XPR1: variants seen among roughly 807,000 people sequenced by gnomAD.
XPR1 encodes the protein xenotropic and polytropic retrovirus receptor 1.
XPR1 carries 28 observed loss-of-function variants against 87.5 expected under a neutral mutation model. The ratio of observed to expected loss-of-function variants is 0.32; its 90% CI spans 0.24 to 0.44. XPR1 has a LOEUF of 0.44. XPR1 is among the 20% of genes least tolerant of loss of function. The pLI, the probability that XPR1 is intolerant of heterozygous loss-of-function variation, is 1.00. For synonymous variants in XPR1, 300 were observed against 306.1 expected, an observed-to-expected ratio of 0.98 and a Z score of 0.21; for missense variants, 559 against 862.3, an observed-to-expected ratio of 0.65 and a Z score of 4.41.
chr1:180,697,022 T>A (rs574999202), intron 2 of XPR1, among the ~76,000 whole-genome samples: 1 of 152,292 alleles, frequency 6.6e-6, no homozygotes, highest in East Asian at 1.9e-4. Context: ...AGTTTTCTCC[T>A]CTCCAGTTTT....
chr1:180,800,637 G>T (rs1649745462), intron 3 of XPR1, among the ~76,000 whole-genome samples: 2 of 152,190 alleles, frequency 1.3e-5, no homozygotes, highest in South Asian at 2.1e-4. Context: ...GGCACTATGT[G>T]TGTGGTAATT....
At chr1:180,690,872 T>C (rs1305293539) in intron 2 of XPR1, among the ~76,000 whole-genome samples, 1 of 151,746 alleles carries the variant, frequency 6.6e-6, no homozygotes, top group Non-Finnish European at 1.5e-5. Context: ...GCCAATGTAC[T>C]GTTTATAAAA....
Position 180,799,081 on chromosome 1 carries a change from C to G in XPR1, c.224-4307C>G, listed in dbSNP as rs565300953. Among the ~76,000 whole-genome samples the G allele has an allele frequency of 2.3e-3, 345 of 152,298 alleles. 2 individuals carry two copies. The highest frequency in any genetic ancestry group is 3.1e-3 in the Non-Finnish European group (212 of 68,018). On this transcript the variant is annotated intron_variant, in intron 3 of 14. Transcript: ENST00000367590. ...TTTACTTTTAGCCAGTAAACCCCTT[C>G]TTTGCCATTGTTTCATTAGTACAAA...
chr1:180,845,672 T>A (rs891560327), intron 11 of XPR1, among the ~76,000 whole-genome samples: 1 of 152,190 alleles, frequency 6.6e-6, no homozygotes, highest in African/African-American at 2.4e-5. Flanking sequence ...AGGGTCGTGC[T>A]ACCATGCCCA....
chr1:180,717,386 G>A (rs1658032112), intron 2 of XPR1, among the ~76,000 whole-genome samples: 1 of 152,152 alleles, frequency 6.6e-6, no homozygotes, highest in Admixed American at 6.5e-5. Context: ...CTGTCATGCT[G>A]TTCTTGTGGA....
chr1:180,771,843 G>A (rs1648528377), intron 2 of XPR1, among the ~76,000 whole-genome samples: 1 of 152,090 alleles, frequency 6.6e-6, no homozygotes, highest in South Asian at 2.1e-4. Context: ...TATTAACCTT[G>A]ATTACTTGTT....
intron 2 of XPR1, among the ~76,000 whole-genome samples, chr1:180,713,835 T>C (rs558026944): frequency 2.6e-5 from 4 of 152,320 alleles, no homozygotes; most frequent in South Asian, 2.1e-4. Context: ...AGAAGTCTTA[T>C]AATGTCTTTG....
intron 1 of XPR1, among the ~76,000 whole-genome samples, chr1:180,656,328 TATATATA>T (rs1183028633): frequency 1.4e-4 from 16 of 117,982 alleles, no homozygotes; most frequent in African/African-American, 4.4e-4. Context: ...ATAATATTTA[TATATATA>T]ATATTTATAT....
chr1:180,670,848 T>C (rs1656145675), intron 1 of XPR1, among the ~76,000 whole-genome samples: 1 of 152,216 alleles, frequency 6.6e-6, no homozygotes, highest in Non-Finnish European at 1.5e-5. Context: ...TCCCTCAATT[T>C]TGAAGGACGT....
intron 1 of XPR1, among the ~76,000 whole-genome samples, chr1:180,666,525 A>G (rs1327562645): frequency 1.3e-5 from 2 of 152,040 alleles, no homozygotes; most frequent in African/African-American, 2.4e-5. Flanking sequence ...ATTACTAAGT[A>G]TTTTATTCTT....
chr1:180,633,745 A>G (rs6676219), intron 1 of XPR1, among the ~76,000 whole-genome samples: 48,440 of 152,134 alleles, frequency 0.32, 8,475 homozygotes, highest in Non-Finnish European at 0.39. Context: ...TATTGTTTCT[A>G]ATAACATTTA....
At chr1:180,840,671 A>T (rs1202961269) in intron 11 of XPR1, among the ~76,000 whole-genome samples, 2 of 151,416 alleles carry the variant, frequency 1.3e-5, no homozygotes, top group Non-Finnish European at 2.9e-5. Context: ...ACCGTTGGTT[A>T]TATATCTTAA....
rs1438289180 is a variant in XPR1 at position 180,873,897 on chromosome 1, C to G, written c.1763C>G (p.Ser588Cys). ...SITSTTLLPH[S>C]GDIIATVFAP... is the part of the protein sequence containing the mutation. ...ACCTCTACAACTTTGTTGCCTCATT[C>G]TGGGGACATCATTGCTACTGTCTTT... The change falls in exon 13 of 15, where the codon TCT becomes TGT. Residue 588 changes from serine (S) to cysteine (C), a missense_variant. Ser to Cys is a moderately radical substitution (Grantham distance 112). Around this residue, in one of 7 missense-constraint regions of XPR1, gnomAD observed 264 missense variants for 377.2 expected, o/e 0.70. Transcript: ENST00000367590. 2 of 1,614,042 alleles carry G rather than the reference C, an allele frequency of 1.2e-6. No individual in the cohort carries two copies. Among genetic ancestry groups the G allele is most frequent in the Non-Finnish European group, 1.7e-6 (2 of 1,180,018 alleles).
intron 11 of XPR1, among the ~76,000 whole-genome samples, chr1:180,863,394 T>C (rs1227774705): frequency 6.6e-6 from 1 of 152,194 alleles, no homozygotes; most frequent in East Asian, 1.9e-4. Flanking sequence ...AAAGTTAAAA[T>C]TGCATCTTTT....
chr1:180,749,428 G>A (rs1396525309), intron 2 of XPR1, among the ~76,000 whole-genome samples: 5 of 151,786 alleles, frequency 3.3e-5, no homozygotes, highest in East Asian at 1.9e-4. Context: ...TAATGTAAAC[G>A]AAAATATCAG....
intron 11 of XPR1, among the ~76,000 whole-genome samples, chr1:180,846,273 A>AG (rs1262038002): frequency 1.3e-5 from 2 of 151,594 alleles, no homozygotes; most frequent in African/African-American, 4.8e-5. Flanking sequence ...AAAAAAAAAA[A>AG]AAAATGTCAA....
chr1:180,801,203 C>A (rs879914573), intron 3 of XPR1, among the ~76,000 whole-genome samples: 1 of 152,228 alleles, frequency 6.6e-6, no homozygotes, highest in Non-Finnish European at 1.5e-5. Context: ...AGATACATCT[C>A]TCATGGCCAT....
chr1:180,686,242 G>GT (rs1260461087), intron 2 of XPR1, among the ~76,000 whole-genome samples: 1 of 152,060 alleles, frequency 6.6e-6, no homozygotes, highest in Non-Finnish European at 1.5e-5. Context: ...ATTTTGTTAT[G>GT]TACCCAGTAG....
chr1:180,770,575 T>C (rs1022336554), intron 2 of XPR1, among the ~76,000 whole-genome samples: 8 of 152,212 alleles, frequency 5.3e-5, no homozygotes, highest in Non-Finnish European at 1.5e-5. Context: ...CTGCAGCAGA[T>C]GGTTTTTAAA....
Sources: gnomAD v4.1 joint callset for allele counts (sites outside exome capture counted in the v4.1 genomes callset) on GRCh38, gnomAD v4.1.1 for gene constraint, gnomAD v4.1.1 regional missense constraint, MANE v1.5 for transcripts, NCBI Gene and HGNC (gene_info 2026-07-23, HGNC 2026-07-21) for gene names.